Variants in FBN2 observed in about 807,000 individuals in gnomAD.
The protein encoded by FBN2 is fibrillin-2.
In FBN2, 105 loss-of-function variants were observed where a neutral mutation model predicts 355.6. The ratio of observed to expected loss-of-function variants is 0.30; its 90% confidence interval spans 0.25 to 0.35. The LOEUF is 0.35. Among genes scored for constraint, FBN2 ranks in the 10% least tolerant of loss-of-function variants. FBN2 has a pLI of 1.00. For missense variants in FBN2, 3,280 were observed against 3,758.7 expected (o/e 0.87, Z 3.33); for synonymous variants, 1,350 against 1,301.2 (o/e 1.04, Z -0.81).
chr5:128,461,724 C>T (rs925266361), intron 6 of FBN2, among the ~76,000 whole-genome samples: 4 of 152,076 alleles, frequency 2.6e-5, no homozygotes, highest in African/African-American at 9.7e-5. Flanking sequence ...AGCTGGAAGC[C>T]ATCATCCTCT....
In FBN2 at chr5:128,294,317, C is replaced by T. The variant is rs368711455; in HGVS notation, c.6167-2663G>A. Among the ~76,000 whole-genome samples the T allele has an allele frequency of 7.2e-4, 109 of 151,948 alleles. 1 individual carries two copies. Among genetic ancestry groups the T allele is most frequent in the Admixed American group, 1.2e-3 (19 of 15,254 alleles). ...AAACATACGTGTGCATGTGTCTTTA[C>T]AGCAGCATGATTTATAGTCCTTTGG... On this transcript the variant is annotated intron_variant, in intron 48 of 64. Transcript: ENST00000262464.
intron 48 of FBN2, among the ~76,000 whole-genome samples, chr5:128,295,048 A>T (rs1213924951): frequency 4.0e-5 from 6 of 151,262 alleles, no homozygotes; most frequent in Non-Finnish European, 7.4e-5. Flanking sequence ...TCAGCTTTCT[A>T]CATATGGCTA....
At chr5:128,377,952 A>T in intron 12 of FBN2, 75 bp from the exon 13 acceptor site, 1 of 1,389,570 alleles carries the variant, frequency 7.2e-7, no homozygotes. Flanking sequence ...TAAGAAATGG[A>T]ATTTTAAATA....
At position 128,259,798 on chromosome 5, in the gene FBN2, A is replaced by C; in HGVS notation, c.8396T>G (p.Met2799Arg). Residue 2799 changes from methionine (M) to arginine (R), a missense_variant, in exon 65 of 65, where the codon ATG (methionine) becomes AGG (arginine). Around this residue, in one of 6 missense-constraint regions of FBN2, gnomAD observed 311 missense variants for 319.1 expected, o/e 0.97. Coordinates refer to ENST00000262464, the MANE Select transcript of FBN2 (RefSeq NM_001999.4). Reference sequence around the variant, plus strand: ...GAACTTCATGTTGACGGGGCTGTCCATGTCGACACTCTCTAGGCTGATCTG... The same window carrying C: ...GAACTTCATGTTGACGGGGCTGTCCCTGTCGACACTCTCTAGGCTGATCTG... ...VEQISLESVD[M>R]DSPVNMKFNL... The C allele has an allele frequency of 6.2e-7, 1 of 1,613,656 alleles. No individual in the cohort carries two copies. The highest frequency in any genetic ancestry group is 8.5e-7 in the Non-Finnish European group (1 of 1,179,880).
Position 128,364,707 on chromosome 5 carries a change from A to T in FBN2, c.2321T>A (p.Leu774Ter). 6.2e-7 allele frequency: 1 copy of T among 1,613,062 alleles called. No homozygotes were observed. The highest frequency in any genetic ancestry group is 8.5e-7 in the Non-Finnish European group (1 of 1,179,078). ...VDGRDINECA[L>*]DPDICANGIC... ...CCCATTGGCACATATATCAGGATCC[A>T]AAGCACATTCATTGATATCTGCATT... The change falls in exon 18 of 65, where the codon TTG (leucine) becomes TAG (stop). Residue 774 changes from leucine to a stop codon, truncating the protein, a stop_gained. Coordinates refer to ENST00000262464, the MANE Select transcript of FBN2 (RefSeq NM_001999.4). LOFTEE classifies it high-confidence loss of function.
In FBN2 at chr5:128,318,156, A is replaced by T. The variant is rs777536772; in HGVS notation, c.4710T>A (p.Gly1570=). The change falls in exon 36 of 65, where the codon GGT becomes GGA. Residue 1570 remains glycine, a synonymous_variant. Transcript: ENST00000262464. ...PDFQLNPTGV[G]CVDNRVGNCY... ...TCATATAGCTTTACTTACCAACACAACCCACACCAGTTGGGTTCAACTGAA... is the reference window on the plus strand; with the variant it reads ...TCATATAGCTTTACTTACCAACACATCCCACACCAGTTGGGTTCAACTGAA... 5 of 1,614,102 alleles carry T rather than the reference A, an allele frequency of 3.1e-6. No individual in the cohort carries two copies. In the South Asian group the frequency reaches 4.4e-5, roughly 14 times the overall value.
At chr5:128,458,462 C>T (rs909879079) in intron 6 of FBN2, among the ~76,000 whole-genome samples, 2 of 151,352 alleles carry the variant, frequency 1.3e-5, no homozygotes, top group Non-Finnish European at 1.5e-5. Context: ...AGTGGACCTA[C>T]TAGATGCCTA....
In FBN2 at chr5:128,272,016, T is replaced by C; in HGVS notation, c.7943A>G (p.Gln2648Arg). ...GCACTCACCGACACACTGATTCCAC[T>C]GGTAGTGCTGGATGTAGCCTTGGGG... is the stretch of plus-strand genomic sequence containing the variant. Reference protein sequence around the residue: ...GCPQGYIQHYQWNQCVDENEC... With the variant: ...GCPQGYIQHYRWNQCVDENEC... The change falls in exon 62 of 65, where the codon CAG (glutamine) becomes CGG (arginine). Residue 2648 changes from glutamine (Q) to arginine (R), a missense_variant. Gln to Arg is a conservative substitution (Grantham distance 43). Around this residue, in one of 6 missense-constraint regions of FBN2, gnomAD observed 9 missense variants for 27.1 expected, o/e 0.33. Transcript: ENST00000262464. 1 of 1,614,004 alleles carries C rather than the reference T, an allele frequency of 6.2e-7. No individual in the cohort carries two copies. Among genetic ancestry groups the C allele is most frequent in the Non-Finnish European group, 8.5e-7 (1 of 1,179,940 alleles).
intron 15 of FBN2, among the ~76,000 whole-genome samples, chr5:128,371,695 G>A (rs1356495727): frequency 6.6e-6 from 1 of 151,924 alleles, no homozygotes; most frequent in Non-Finnish European, 1.5e-5. Flanking sequence ...CACTACAACC[G>A]GCTAATTTTG....
chr5:128,332,536 T>C (rs973335509), intron 32 of FBN2, among the ~76,000 whole-genome samples: 1 of 152,224 alleles, frequency 6.6e-6, no homozygotes, highest in Non-Finnish European at 1.5e-5. Flanking sequence ...ACTAAAAAAT[T>C]AGGTTATCTG....
chr5:128,357,951 G>GT (rs1249789602), intron 19 of FBN2, among the ~76,000 whole-genome samples: 11 of 151,230 alleles, frequency 7.3e-5, no homozygotes, highest in Middle Eastern at 3.4e-3. Context: ...AGTTTGCTTA[G>GT]TTTTTTTTTA....
chr5:128,339,432 T>TC (rs1359764833), intron 25 of FBN2, among the ~76,000 whole-genome samples: 25 of 151,664 alleles, frequency 1.6e-4, no homozygotes, highest in Admixed American at 7.9e-4. Context: ...CTGGGCAATG[T>TC]AGGGAGACCC....
intron 15 of FBN2, among the ~76,000 whole-genome samples, chr5:128,373,064 T>C (rs1751986844): frequency 6.6e-6 from 1 of 152,226 alleles, no homozygotes; most frequent in South Asian, 2.1e-4. Flanking sequence ...TTTTAAAAAG[T>C]TTAAATGACC....
At chr5:128,332,276 A>C (rs1308886704) in intron 32 of FBN2, among the ~76,000 whole-genome samples, 1 of 152,096 alleles carries the variant, frequency 6.6e-6, no homozygotes, top group African/African-American at 2.4e-5. Flanking sequence ...TAGTTGGAAA[A>C]ATGCTTTATT....
chr5:128,502,693 T>C (rs1755851436), intron 5 of FBN2, among the ~76,000 whole-genome samples: 1 of 152,172 alleles, frequency 6.6e-6, no homozygotes, highest in African/African-American at 2.4e-5. Flanking sequence ...GGCCTAAGTA[T>C]TTTAATCAGA....
intron 33 of FBN2, among the ~76,000 whole-genome samples, chr5:128,329,052 C>G (rs1750626611): frequency 6.6e-6 from 1 of 152,052 alleles, no homozygotes; most frequent in Non-Finnish European, 1.5e-5. Context: ...TAACCTGCAC[C>G]CTAACATCCA....
Position 128,464,921 on chromosome 5 carries a change from T to C in FBN2, c.629A>G (p.Asp210Gly). ...YGFTGPQCER[D>G]YRTGPCFTQV... ...AGTGAAACACGGGCCTGTCCTGTAA[T>C]CTGGAATGTGGGAGAAGAAAGAAAG... is the stretch of plus-strand genomic sequence containing the variant. Residue 210 changes from aspartate (D) to glycine (G), a missense_variant and splice_region_variant, in exon 6 of 65, where the codon GAT (aspartate) becomes GGT (glycine). Transcript: ENST00000262464. 1 of 1,614,192 alleles carries C rather than the reference T, an allele frequency of 6.2e-7. No individual in the cohort carries two copies. Among genetic ancestry groups the C allele is most frequent in the Non-Finnish European group, 8.5e-7 (1 of 1,179,998 alleles).
At chr5:128,274,097 TA>T in intron 60 of FBN2, 129 bp from the exon 61 acceptor site, 3 of 1,011,774 alleles carry the variant, frequency 3.0e-6, no homozygotes, top group Non-Finnish European at 4.6e-6. Flanking sequence ...TGGGAAAATT[TA>T]TACCAAAATT....
At chr5:128,521,664 A>C (rs906680228) in intron 4 of FBN2, among the ~76,000 whole-genome samples, 8 of 152,240 alleles carry the variant, frequency 5.3e-5, no homozygotes, top group Non-Finnish European at 1.0e-4. Context: ...AGGAAATTTA[A>C]ATTACAGTCA....
Sources: allele counts gnomAD v4.1 joint callset (sites outside exome capture counted in the v4.1 genomes callset), GRCh38; gene constraint gnomAD v4.1.1; regional missense constraint gnomAD v4.1.1; transcripts MANE v1.5; gene names NCBI Gene and HGNC (gene_info 2026-07-23, HGNC 2026-07-21).